Variants in SLC38A11 observed in about 807,000 individuals in gnomAD.
SLC38A11 encodes solute carrier family 38 member 11.
In SLC38A11, 51 loss-of-function variants were observed where a neutral mutation model predicts 49.4. That is an observed-to-expected ratio of 1.03 (90% CI 0.83 to 1.30). The LOEUF (loss-of-function observed/expected upper bound fraction) is 1.30. SLC38A11 is among the 50% of genes most tolerant of loss of function. SLC38A11 has a pLI of 0.00. For missense variants in SLC38A11, 574 were observed against 556.2 expected (o/e 1.03, Z -0.32); for synonymous variants, 203 against 192.9 (o/e 1.05, Z -0.43).
At chr2:164,898,777 A>T (rs368803111) in intron 11 of SLC38A11, 47 bp from the exon 12 acceptor site, 2 of 1,555,220 alleles carry the variant, frequency 1.3e-6, no homozygotes, top group African/African-American at 2.7e-5. Flanking sequence ...AGATGGAAAC[A>T]TTCTTCGGAC....
intron 10 of SLC38A11, among the ~76,000 whole-genome samples, chr2:164,909,100 G>A (rs895781757): frequency 1.3e-5 from 2 of 152,024 alleles, no homozygotes; most frequent in African/African-American, 4.8e-5. Flanking sequence ...AGTCCAATAG[G>A]TTACTACTAA....
intron 7 of SLC38A11, among the ~76,000 whole-genome samples, chr2:164,917,153 A>G (rs1172208749): frequency 6.6e-6 from 1 of 152,142 alleles, no homozygotes; most frequent in Admixed American, 6.6e-5. Context: ...CTTGAGTAAG[A>G]CTCAAAACAA....
intron 3 of SLC38A11, among the ~76,000 whole-genome samples, chr2:164,947,280 C>T (rs1688197258): frequency 6.6e-6 from 1 of 151,750 alleles, no homozygotes; most frequent in African/African-American, 2.4e-5. Flanking sequence ...TGCAGGTGCC[C>T]ACCACCATGC....
At position 164,894,937 on chromosome 2, in the gene SLC38A11, C is replaced by G. The variant is rs557197930; in HGVS notation, c.*3500G>C. Among the ~76,000 whole-genome samples the G allele has an allele frequency of 6.6e-6, 1 of 152,246 alleles. No homozygotes were observed. Among genetic ancestry groups the G allele is most frequent in the South Asian group, 2.1e-4 (1 of 4,828 alleles). On this transcript the variant is annotated 3_prime_UTR_variant, in exon 12 of 12. Coordinates refer to ENST00000685975, the MANE Select transcript of SLC38A11 (RefSeq NM_001351537.2). ...CCAGCCTCTAAACAGATGGCTCCAT[C>G]TGGCACTTTCTTATGTCCAACTTCC... is the stretch of plus-strand genomic sequence containing the variant.
chr2:164,921,194 A>G (rs1686176390), intron 7 of SLC38A11, among the ~76,000 whole-genome samples: 1 of 152,250 alleles, frequency 6.6e-6, no homozygotes, highest in South Asian at 2.1e-4. Context: ...TTACTTAGAA[A>G]TAGAGATGTG....
chr2:164,914,399 C>A (rs1685619973), intron 9 of SLC38A11, among the ~76,000 whole-genome samples: 1 of 151,916 alleles, frequency 6.6e-6, no homozygotes, highest in Non-Finnish European at 1.5e-5. Context: ...AGAGAAATAT[C>A]TTTGGAGGGA....
At chr2:164,922,777 A>G (rs35735553) in intron 7 of SLC38A11, among the ~76,000 whole-genome samples, 11,138 of 152,290 alleles carry the variant, frequency 0.073, 440 homozygotes, top group Admixed American at 0.1. Flanking sequence ...AACAACCCTG[A>G]ATAAAAAGAA....
intron 8 of SLC38A11, 105 bp downstream of exon 8, chr2:164,915,797 TA>T: frequency 1.2e-6 from 1 of 836,254 alleles, no homozygotes; most frequent in Non-Finnish European, 1.9e-6. Context: ...ATAGGAAGTC[TA>T]AAACTTAGGA....
rs1229614783 is a variant in SLC38A11, at chr2:164,896,894, T to G, written c.*1543A>C. 1 of 152,076 alleles carries G rather than the reference T, an allele frequency of 6.6e-6. No individual in the cohort carries two copies. Among genetic ancestry groups the G allele is most frequent in the East Asian group, 1.9e-4 (1 of 5,166 alleles). 9.4% of individuals were successfully genotyped at this position (152,076 alleles called of 1,614,324 possible). On this transcript the variant is annotated 3_prime_UTR_variant, in exon 12 of 12. Transcript: ENST00000685975. ...GTGAACCTACCCTTTATACACTTCC[T>G]GTAGGATTTCTTTTTGCATTTGATT...
At chr2:164,920,116 A>G (rs1488558221) in intron 7 of SLC38A11, among the ~76,000 whole-genome samples, 1 of 152,108 alleles carries the variant, frequency 6.6e-6, no homozygotes, top group Non-Finnish European at 1.5e-5. Context: ...TGTACTAAAA[A>G]TACAAAAATT....
intron 6 of SLC38A11, 145 bp downstream of exon 6, chr2:164,939,305 C>G: frequency 2.1e-6 from 1 of 478,444 alleles, no homozygotes; most frequent in Non-Finnish European, 3.8e-6. Context: ...ACTAATGATT[C>G]AAACACAGTT....
intron 10 of SLC38A11, among the ~76,000 whole-genome samples, chr2:164,911,185 G>T (rs1685374789): frequency 1.3e-5 from 2 of 151,966 alleles, no homozygotes; most frequent in African/African-American, 4.8e-5. Context: ...AACAAAACCA[G>T]TTAGAATCTG....
At chr2:164,932,463 A>T (rs900719351) in intron 7 of SLC38A11, among the ~76,000 whole-genome samples, 6 of 152,188 alleles carry the variant, frequency 3.9e-5, no homozygotes, top group Non-Finnish European at 5.9e-5. Flanking sequence ...GTAAATGGTC[A>T]CAATAGCAAA....
In SLC38A11 at chr2:164,923,068, A is replaced by G. The variant is rs934481828; in HGVS notation, c.618-7095T>C. ...CCCCTACCTTTTTCCATATACAAAA[A>G]CTAACTTGAGATGGATTAGAGATTT... On this transcript the variant is annotated intron_variant, in intron 7 of 11. Coordinates refer to ENST00000685975, the MANE Select transcript of SLC38A11 (RefSeq NM_001351537.2). Among the ~76,000 whole-genome samples, 6 of 152,192 alleles carry G rather than the reference A, an allele frequency of 3.9e-5. No homozygotes were observed. The South Asian group carries it at 6.2e-4, about 16-fold the overall frequency.
intron 4 of SLC38A11, 38 bp from the exon 5 acceptor site, chr2:164,944,672 A>G (rs1380916707): frequency 6.1e-6 from 5 of 817,222 alleles, no homozygotes; most frequent in Non-Finnish European, 8.6e-6. Context: ...TCAATAAGCC[A>G]TCTCATATTT....
At position 164,955,192 on chromosome 2, in the gene SLC38A11, C is replaced by G. The variant is rs1688768678; in HGVS notation, c.39+17G>C. On this transcript the variant is annotated intron_variant, in intron 1 of 11. Coordinates refer to ENST00000685975, the MANE Select transcript of SLC38A11 (RefSeq NM_001351537.2). ...CCGGACAACTGGCTTCAGAACCTGC[C>G]TAGTCGCTAGTTTTACCTGCGGCGG... The G allele has an allele frequency of 6.4e-7, 1 of 1,550,474 alleles. No individual in the cohort carries two copies. Among genetic ancestry groups the G allele is most frequent in the East Asian group, 2.4e-5 (1 of 40,902 alleles).
intron 5 of SLC38A11, 104 bp from the exon 6 acceptor site, chr2:164,939,660 A>C: frequency 1.7e-6 from 1 of 593,568 alleles, no homozygotes; most frequent in East Asian, 3.0e-5. Flanking sequence ...AAACATAAAT[A>C]CTACCTCAAT....
chr2:164,906,843 C>A (rs748869945), intron 11 of SLC38A11, among the ~76,000 whole-genome samples: 36 of 152,180 alleles, frequency 2.4e-4, no homozygotes, highest in Non-Finnish European at 4.4e-4. Flanking sequence ...GGGTCCCTGA[C>A]TGAATTCCCT....
intron 7 of SLC38A11, among the ~76,000 whole-genome samples, chr2:164,926,063 T>C (rs1686558452): frequency 6.6e-6 from 1 of 152,182 alleles, no homozygotes; most frequent in Non-Finnish European, 1.5e-5. Context: ...ACCAGTCTTA[T>C]CCTTATATCA....
Sources: allele counts gnomAD v4.1 joint callset (sites outside exome capture counted in the v4.1 genomes callset), GRCh38; gene constraint gnomAD v4.1.1; transcripts MANE v1.5; gene names NCBI Gene and HGNC (gene_info 2026-07-23, HGNC 2026-07-21).